Variants in RPS6KA2 observed in about 807,000 individuals in gnomAD.
The protein encoded by RPS6KA2 is ribosomal protein S6 kinase A2, also known as ribosomal protein S6 kinase alpha-2.
A neutral mutation model predicts 91.8 loss-of-function variants in RPS6KA2; 42 were observed. The ratio of observed to expected loss-of-function variants is 0.46; its 90% CI spans 0.36 to 0.59. The LOEUF is 0.59. Ranked by LOEUF, RPS6KA2 falls within the 20% of genes least tolerant of loss-of-function variation. The pLI, the probability that RPS6KA2 is intolerant of heterozygous loss-of-function variation, is 0.00. For missense variants in RPS6KA2, 798 were observed against 978.5 expected (o/e 0.82, Z 2.46); for synonymous variants, 414 against 393.6 (o/e 1.05, Z -0.61).
intron 2 of RPS6KA2, among the ~76,000 whole-genome samples, chr6:166,664,380 G>A (rs553671886): frequency 1.3e-5 from 2 of 152,324 alleles, no homozygotes; most frequent in South Asian, 4.1e-4. Context: ...CATGGTCAAT[G>A]TCAGCACACT....
At chr6:166,687,048 C>T (rs971651133) in intron 2 of RPS6KA2, among the ~76,000 whole-genome samples, 2 of 152,172 alleles carry the variant, frequency 1.3e-5, no homozygotes, top group Non-Finnish European at 2.9e-5. Context: ...ACAAGCCAAC[C>T]AAGGCATCTG....
rs983460096 is a variant in RPS6KA2, at chr6:166,636,740, G to A, written c.124-97956C>T. ...TTGTTGAATAAAGACATTGGGGAAC[G>A]AGGCCAGGAGAAGCAGGGTGTGGCC... On this transcript the variant is annotated intron_variant, in intron 2 of 21. Coordinates refer to the RPS6KA2 transcript ENST00000503859. Among the ~76,000 whole-genome samples, 3 of 152,316 alleles carry A rather than the reference G, an allele frequency of 2.0e-5. No individual in the cohort carries two copies. In the South Asian group the frequency reaches 6.2e-4, roughly 32 times the overall value.
intron 2 of RPS6KA2, among the ~76,000 whole-genome samples, chr6:166,836,199 G>A (rs933287871): frequency 6.6e-6 from 1 of 151,836 alleles, no homozygotes; most frequent in Admixed American, 6.6e-5. Flanking sequence ...ATAGTTTTCT[G>A]TTTTTGTTTT....
At chr6:166,596,060 GT>G (rs886342922) in intron 1 of RPS6KA2, among the ~76,000 whole-genome samples, 11 of 152,334 alleles carry the variant, frequency 7.2e-5, no homozygotes, top group Admixed American at 6.5e-4. Flanking sequence ...CTTTCAATGG[GT>G]TTAAAATATG....
Position 166,612,220 on chromosome 6 carries a change from ACT to A in RPS6KA2, c.99+14699_99+14700del, listed in dbSNP as rs1325326025. Among the ~76,000 whole-genome samples the A allele has an allele frequency of 6.6e-6, 1 of 150,994 alleles. No homozygotes were observed. Among genetic ancestry groups the A allele is most frequent in the Non-Finnish European group, 1.5e-5 (1 of 67,772 alleles). On this transcript the variant is annotated intron_variant, in intron 1 of 20. Coordinates refer to ENST00000265678, the MANE Select transcript of RPS6KA2 (RefSeq NM_021135.6). The surrounding 1 kb of genome is among the most constrained non-coding windows in gnomAD (Gnocchi z 4.3). Reference sequence around the variant, plus strand: ...GGGCTCTAGGAAAAGCCTGGAAGAGACTCTCTGTGGGAAGCTCAGGGGAGTCA... The same window carrying A: ...GGGCTCTAGGAAAAGCCTGGAAGAGACTCTGTGGGAAGCTCAGGGGAGTCA...
intron 1 of RPS6KA2, among the ~76,000 whole-genome samples, chr6:166,543,825 G>A (rs1366811825): frequency 2.6e-5 from 4 of 152,214 alleles, no homozygotes; most frequent in East Asian, 3.8e-4. Context: ...GTGTGTGCAC[G>A]TGTGTGTGCG....
At chr6:166,841,360 C>T (rs769656717) in intron 2 of RPS6KA2, among the ~76,000 whole-genome samples, 12 of 152,260 alleles carry the variant, frequency 7.9e-5, no homozygotes, top group East Asian at 1.9e-4. Flanking sequence ...TCAGCGCTGA[C>T]GCGTGCTTCT....
chr6:166,716,917 G>A (rs1344769565), intron 2 of RPS6KA2, among the ~76,000 whole-genome samples: 13 of 152,200 alleles, frequency 8.5e-5, no homozygotes, highest in South Asian at 2.1e-4. Flanking sequence ...AAGGTTTTGC[G>A]ACATGCATGC....
At chr6:166,787,174 G>C (rs1349046604) in intron 2 of RPS6KA2, among the ~76,000 whole-genome samples, 1 of 152,116 alleles carries the variant, frequency 6.6e-6, no homozygotes, top group East Asian at 1.9e-4. Context: ...TTTATCCAAA[G>C]ATAAAGACTG....
chr6:166,614,115 C>T lies in RPS6KA2; in HGVS notation c.99+12806G>A, dbSNP rs142407922. 1.5e-3 allele frequency among the ~76,000 whole-genome samples: 234 copies of T among 152,344 alleles called. 3 individuals carry two copies. Among genetic ancestry groups the T allele is most frequent in the African/African-American group, 5.0e-3 (208 of 41,576 alleles). On this transcript the variant is annotated intron_variant, in intron 1 of 20. Coordinates refer to ENST00000265678, the MANE Select transcript of RPS6KA2 (RefSeq NM_021135.6). ...CAATCACCTCTTTCATTCAGCCCTGCGGAGATGTCTCCCTGGACTGCCCTC... is the reference window on the plus strand; with the variant it reads ...CAATCACCTCTTTCATTCAGCCCTGTGGAGATGTCTCCCTGGACTGCCCTC...
intron 1 of RPS6KA2, among the ~76,000 whole-genome samples, chr6:166,568,663 C>CAAAAAAAAAAAAAAAAAAAAA (rs1439350254): frequency 2.4e-5 from 2 of 83,052 alleles, no homozygotes; most frequent in African/African-American, 4.2e-5. Flanking sequence ...AAAAAAAAAG[C>CAAAAAAAAAAAAAAAAAAAAA]AAAATTTTTT....
intron 2 of RPS6KA2, among the ~76,000 whole-genome samples, chr6:166,815,926 A>G (rs1277850402): frequency 6.6e-6 from 1 of 152,232 alleles, no homozygotes; most frequent in African/African-American, 2.4e-5. Flanking sequence ...TGTAGCTCAT[A>G]AAGAGTAGTA....
At chr6:166,591,842 C>T (rs909287082) in intron 1 of RPS6KA2, among the ~76,000 whole-genome samples, 2 of 152,198 alleles carry the variant, frequency 1.3e-5, no homozygotes, top group Non-Finnish European at 2.9e-5. Flanking sequence ...ACCATGGCCA[C>T]CTTCAAGCCT....
rs1360878613 is a variant in RPS6KA2, at chr6:166,839,684, A to AGGGGAGGG, written c.123+18515_123+18516insCCCTCCCC. 1.5e-3 allele frequency among the ~76,000 whole-genome samples: 36 copies of AGGGGAGGG among 23,850 alleles called. 3 individuals are homozygous for AGGGGAGGG. Among genetic ancestry groups the AGGGGAGGG allele is most frequent in the East Asian group, 3.8e-3 (1 of 264 alleles). The allele number at this position is 23,850 out of a possible 152,430, so 15.6% of individuals were successfully genotyped here. A position where few individuals can be genotyped will look rare whatever the true frequency, so the allele number is the denominator to read the frequency against. On this transcript the variant is annotated intron_variant, in intron 2 of 21. Coordinates refer to the RPS6KA2 transcript ENST00000503859. Reference sequence around the variant, plus strand: ...AGAGGGAGGTGGAAATCAGAGCAGGAGAGGAGAGGGGAGGAGAGGAGAGGA... The same window carrying AGGGGAGGG: ...AGAGGGAGGTGGAAATCAGAGCAGGAGGGGAGGGGAGGAGAGGGGAGGAGAGGAGAGGA...
chr6:166,765,798 C>T (rs1227533592), intron 2 of RPS6KA2, among the ~76,000 whole-genome samples: 1 of 152,136 alleles, frequency 6.6e-6, no homozygotes, highest in Non-Finnish European at 1.5e-5. Flanking sequence ...TGTAAGATGG[C>T]AATACTCACA....
chr6:166,683,811 G>A (rs1788914404), intron 2 of RPS6KA2, among the ~76,000 whole-genome samples: 1 of 152,238 alleles, frequency 6.6e-6, no homozygotes, highest in African/African-American at 2.4e-5. Flanking sequence ...GGGTGAGGCT[G>A]GGACAGCCTG....
chr6:166,689,155 C>T (rs1369998012), intron 2 of RPS6KA2, among the ~76,000 whole-genome samples: 1 of 152,268 alleles, frequency 6.6e-6, no homozygotes, highest in Non-Finnish European at 1.5e-5. Context: ...CGCTCCCCTA[C>T]CAAAGCCCTC....
At chr6:166,480,003 G>A (rs891573228) in intron 10 of RPS6KA2, among the ~76,000 whole-genome samples, 1 of 150,776 alleles carries the variant, frequency 6.6e-6, no homozygotes, top group African/African-American at 2.4e-5. Context: ...TCAGTTAACC[G>A]TCCCTGGGTG....
chr6:166,666,188 G>A lies in RPS6KA2; in HGVS notation c.124-127404C>T, dbSNP rs57535414. On this transcript the variant is annotated intron_variant, in intron 2 of 21. Transcript: ENST00000503859. This position sits in a 1 kb window ranked among gnomAD's most constrained non-coding sequence, Gnocchi z 4.0. ...TTTCAGCAAGGCCTGCCTGGGTCAC[G>A]GGGTCTGCCCCATCTAGTGAGTGCT... Among the ~76,000 whole-genome samples, 632 of 152,282 alleles carry A rather than the reference G, an allele frequency of 4.2e-3. 6 individuals carry two copies. Among genetic ancestry groups the A allele is most frequent in the East Asian group, 0.018 (95 of 5,180 alleles).
Sources: gnomAD v4.1 joint callset for allele counts (sites outside exome capture counted in the v4.1 genomes callset) on GRCh38, gnomAD v4.1.1 for gene constraint, Gnocchi (gnomAD v3.1) non-coding constraint, MANE v1.5 for transcripts, NCBI Gene and HGNC (gene_info 2026-07-23, HGNC 2026-07-21) for gene names.